ATP8B4: variants seen among roughly 807,000 people sequenced by gnomAD.
ATP8B4 encodes the protein ATPase phospholipid transporting 8B4 (putative).
ATP8B4 carries 133 observed loss-of-function variants against 145.6 expected under a neutral mutation model. That is an observed-to-expected ratio of 0.91 (90% CI 0.79 to 1.05). The LOEUF (loss-of-function observed/expected upper bound fraction) is 1.05. Among genes scored for constraint, ATP8B4 ranks in the 50% least tolerant of loss-of-function variants. The probability of loss-of-function intolerance (pLI) is 0.00; values close to 1 mark genes in which losing one functional copy is unlikely to be tolerated. For synonymous variants in ATP8B4, 507 were observed against 492.9 expected (o/e 1.03, Z -0.38); for missense variants, 1,458 against 1,425.2 (o/e 1.02, Z -0.37).
At chr15:49,876,754 G>A (rs2034496224) in intron 24 of ATP8B4, 2 of 691,940 alleles carry the variant, frequency 2.9e-6, no homozygotes, top group Non-Finnish European at 5.1e-6. Context: ...AGATTCATGA[G>A]AGGTCACACA....
chr15:49,931,066 C>CATA (rs1380516166), intron 16 of ATP8B4, 53 bp downstream of exon 16: 1 of 1,507,910 alleles, frequency 6.6e-7, no homozygotes. Flanking sequence ...CCTTGAAAAG[C>CATA]ATAACCACAA....
At chr15:50,047,540 G>T in intron 3 of ATP8B4, 76 bp from the exon 4 acceptor site, 1 of 897,588 alleles carries the variant, frequency 1.1e-6, no homozygotes, top group Non-Finnish European at 1.8e-6. Context: ...AAACCTACAA[G>T]CCTGAGCCAG....
chr15:49,970,831 AG>A (rs1400432087), intron 13 of ATP8B4, among the ~76,000 whole-genome samples: 6 of 152,338 alleles, frequency 3.9e-5, no homozygotes, highest in African/African-American at 1.4e-4. Context: ...CTAAGCAAAA[AG>A]AACAAAGCTG....
chr15:50,062,770 C>A (rs1301533630), intron 3 of ATP8B4, among the ~76,000 whole-genome samples: 2 of 152,050 alleles, frequency 1.3e-5, no homozygotes, highest in African/African-American at 2.4e-5. Flanking sequence ...TATCAGAGTA[C>A]AAGGGAGAAA....
chr15:50,024,010 G>T (rs1205212184), intron 6 of ATP8B4, among the ~76,000 whole-genome samples: 1 of 151,824 alleles, frequency 6.6e-6, no homozygotes, highest in Non-Finnish European at 1.5e-5. Flanking sequence ...TGGAAAATTA[G>T]GTTCTATTAT....
chr15:50,026,924 C>T (rs181392752), intron 6 of ATP8B4, among the ~76,000 whole-genome samples: 5 of 152,130 alleles, frequency 3.3e-5, no homozygotes, highest in East Asian at 1.9e-4. Context: ...GATTTGGGCT[C>T]ATTTTTCATC....
At chr15:49,927,226 G>T (rs1224189755) in intron 16 of ATP8B4, among the ~76,000 whole-genome samples, 1 of 151,878 alleles carries the variant, frequency 6.6e-6, no homozygotes, top group Admixed American at 6.6e-5. Flanking sequence ...TTAAATCAGG[G>T]CTCTTTCTTC....
intron 14 of ATP8B4, among the ~76,000 whole-genome samples, chr15:49,945,317 TAG>T (rs1338187522): frequency 4.6e-5 from 7 of 151,978 alleles, no homozygotes; most frequent in African/African-American, 1.7e-4. Context: ...TCATGAAAAA[TAG>T]AAAGTCTAAG....
chr15:50,078,174 A>T (rs8031671), intron 2 of ATP8B4, among the ~76,000 whole-genome samples: 2,746 of 151,274 alleles, frequency 0.018, 84 homozygotes, highest in African/African-American at 0.064. Flanking sequence ...TTTTTTAGAG[A>T]TGCTCTTTTT....
chr15:50,164,522 C>T (rs879030019), intron 1 of ATP8B4, among the ~76,000 whole-genome samples: 1 of 152,146 alleles, frequency 6.6e-6, no homozygotes, highest in African/African-American at 2.4e-5. Flanking sequence ...TTACTCTCCC[C>T]TCTTCTCTCC....
chr15:50,156,201 G>A (rs920019336), intron 1 of ATP8B4, among the ~76,000 whole-genome samples: 3 of 144,412 alleles, frequency 2.1e-5, no homozygotes, highest in Non-Finnish European at 4.6e-5. Flanking sequence ...AAGCATTTTA[G>A]ATGTTTTTGT....
chr15:50,165,673 A>G (rs1018080519), intron 1 of ATP8B4, among the ~76,000 whole-genome samples: 2 of 152,230 alleles, frequency 1.3e-5, no homozygotes, highest in Non-Finnish European at 2.9e-5. Context: ...AAAGAAGCAC[A>G]ATATCATAAA....
intron 12 of ATP8B4, among the ~76,000 whole-genome samples, chr15:49,979,270 A>T (rs148959552): frequency 4.8e-4 from 73 of 152,186 alleles, no homozygotes; most frequent in African/African-American, 1.6e-3. Context: ...GCAAAGAGGC[A>T]CCCTCTCTAT....
chr15:49,935,938 G>A (rs1257838666), intron 14 of ATP8B4, among the ~76,000 whole-genome samples: 1 of 152,066 alleles, frequency 6.6e-6, no homozygotes. Flanking sequence ...TAACTGGTAA[G>A]ATGACGTTAT....
chr15:50,114,748 T>C (rs560256327), intron 1 of ATP8B4, among the ~76,000 whole-genome samples: 2 of 152,294 alleles, frequency 1.3e-5, no homozygotes, highest in South Asian at 2.1e-4. Flanking sequence ...ATAAAGAAAT[T>C]AGCTCAATGC....
chr15:50,029,465 T>G (rs2050275607), intron 6 of ATP8B4, among the ~76,000 whole-genome samples: 1 of 152,080 alleles, frequency 6.6e-6, no homozygotes, highest in African/African-American at 2.4e-5. Flanking sequence ...AAGCTTCTTT[T>G]CTGTGTCTCT....
At chr15:50,118,449 A>G (rs143157725) in intron 1 of ATP8B4, among the ~76,000 whole-genome samples, 49 of 152,348 alleles carry the variant, frequency 3.2e-4, no homozygotes, top group African/African-American at 1.2e-3. Flanking sequence ...GGGATACTTC[A>G]TGGGCACAGG....
chr15:49,939,209 A>C (rs1203349436), intron 14 of ATP8B4, among the ~76,000 whole-genome samples: 2 of 152,076 alleles, frequency 1.3e-5, no homozygotes, highest in Non-Finnish European at 2.9e-5. Context: ...AGAAAAAATT[A>C]ACCCCAAAGC....
At chr15:49,919,638 C>T (rs2040073116) in intron 18 of ATP8B4, among the ~76,000 whole-genome samples, 1 of 152,050 alleles carries the variant, frequency 6.6e-6, no homozygotes, top group Non-Finnish European at 1.5e-5. Context: ...AGGATGGTCT[C>T]CATCTCCGGA....
Sources: gnomAD v4.1 joint callset for allele counts (sites outside exome capture counted in the v4.1 genomes callset) on GRCh38, gnomAD v4.1.1 for gene constraint, MANE v1.5 for transcripts, NCBI Gene and HGNC (gene_info 2026-07-23, HGNC 2026-07-21) for gene names.